Variants in HS3ST5 observed in about 807,000 individuals in gnomAD.
The protein encoded by HS3ST5 is heparan sulfate-glucosamine 3-sulfotransferase 5, also known as heparan sulfate glucosamine 3-O-sulfotransferase 5.
In HS3ST5, 10 loss-of-function variants were observed where a neutral mutation model predicts 25.4. That is an observed-to-expected ratio of 0.39 (90% CI 0.24 to 0.67). The LOEUF is 0.67. Among genes scored for constraint, HS3ST5 ranks in the 30% least tolerant of loss-of-function variants. HS3ST5 has a pLI of 0.44. For synonymous variants in HS3ST5, 170 were observed against 162.4 expected (o/e 1.05, Z -0.36); for missense variants, 324 against 420.7 (o/e 0.77, Z 2.01).
At chr6:114,058,791 T>C (rs559523171) in intron 4 of HS3ST5, 3 of 152,624 alleles carry the variant, frequency 2.0e-5, no homozygotes, top group African/African-American at 4.8e-5. Flanking sequence ...GCCTTGAGGA[T>C]AGCCAGAAGA....
At chr6:114,313,900 C>A (rs1015772872) in intron 1 of HS3ST5, among the ~76,000 whole-genome samples, 1 of 149,388 alleles carries the variant, frequency 6.7e-6, no homozygotes, top group African/African-American at 2.5e-5. Context: ...GCTTCTTTAA[C>A]TAGATTGTTG....
intron 3 of HS3ST5, among the ~76,000 whole-genome samples, chr6:114,165,998 C>T (rs1402933056): frequency 6.6e-6 from 1 of 151,982 alleles, no homozygotes; most frequent in East Asian, 1.9e-4. Flanking sequence ...CTGGGTAACA[C>T]AGCAAGACCC....
At chr6:114,139,973 C>A (rs1330806973) in intron 3 of HS3ST5, among the ~76,000 whole-genome samples, 1 of 152,166 alleles carries the variant, frequency 6.6e-6, no homozygotes, top group African/African-American at 2.4e-5. Flanking sequence ...AGTCTTTGTT[C>A]TTTTCAATGA....
chr6:114,194,213 G>T lies in HS3ST5; in HGVS notation c.-144-25751C>A, dbSNP rs527499983. ...ATTGACTAAATCTGGGCATTTGGAT[G>T]CAAGAAAGACCTGAAGAAATTAATT... is the stretch of plus-strand genomic sequence containing the variant. On this transcript the variant is annotated intron_variant, in intron 2 of 4. Transcript: ENST00000312719. Among the ~76,000 whole-genome samples, 5 of 152,298 alleles carry T rather than the reference G, an allele frequency of 3.3e-5. No individual in the cohort carries two copies. The South Asian group carries it at 1.0e-3, about 32-fold the overall frequency.
Position 114,084,042 on chromosome 6 carries a change from G to C in HS3ST5, c.-32-21165C>G, listed in dbSNP as rs996003866. The C allele has an allele frequency of 2.3e-4, 127 of 554,234 alleles. 2 individuals carry two copies. In the East Asian group the frequency reaches 3.7e-3, roughly 16 times the overall value. 34.3% of individuals were successfully genotyped at this position (554,234 alleles called of 1,614,324 possible). A position where few individuals can be genotyped will look rare whatever the true frequency, so the allele number is the denominator to read the frequency against. ...GAATCTTATATTGTACAAACACTTG[G>C]TCTTTTTTTATGGTCTCAGGTTCCC... On this transcript the variant is annotated intron_variant, in intron 3 of 4. Transcript: ENST00000312719.
chr6:114,193,569 G>A (rs948913560), intron 2 of HS3ST5, among the ~76,000 whole-genome samples: 12 of 152,216 alleles, frequency 7.9e-5, no homozygotes, highest in African/African-American at 2.2e-4. Context: ...GAACAAATTC[G>A]TTATTAATTT....
chr6:114,078,040 G>C (rs942037289), intron 3 of HS3ST5, among the ~76,000 whole-genome samples: 2 of 152,080 alleles, frequency 1.3e-5, no homozygotes, highest in Non-Finnish European at 2.9e-5. Context: ...TTAGCAGACT[G>C]TGCAGAAATA....
intron 1 of HS3ST5, among the ~76,000 whole-genome samples, chr6:114,240,137 T>G (rs1368275372): frequency 6.6e-6 from 1 of 152,162 alleles, no homozygotes; most frequent in East Asian, 1.9e-4. Flanking sequence ...ATTCTCTGTC[T>G]CTGAGTTAAT....
At chr6:114,196,075 A>C (rs9488341) in intron 2 of HS3ST5, among the ~76,000 whole-genome samples, 111 of 152,296 alleles carry the variant, frequency 7.3e-4, no homozygotes, top group African/African-American at 2.6e-3. Flanking sequence ...CTGTAAAAAC[A>C]GCAACCCTCT....
intron 3 of HS3ST5, among the ~76,000 whole-genome samples, chr6:114,161,566 T>C (rs1176302433): frequency 1.0e-5 from 1 of 97,094 alleles, no homozygotes; most frequent in Non-Finnish European, 2.1e-5. Context: ...TATATATATA[T>C]ATATATATAA....
chr6:114,126,460 A>AT (rs749618883), intron 3 of HS3ST5, among the ~76,000 whole-genome samples: 7 of 152,206 alleles, frequency 4.6e-5, no homozygotes, highest in Non-Finnish European at 1.0e-4. Context: ...CAGATTTGAG[A>AT]TTAAGAAACA....
At chr6:114,232,648 T>C (rs572147233) in intron 1 of HS3ST5, among the ~76,000 whole-genome samples, 4 of 152,362 alleles carry the variant, frequency 2.6e-5, no homozygotes, top group African/African-American at 9.6e-5. Flanking sequence ...CAGTCATCAG[T>C]TGAATGAGCC....
intron 2 of HS3ST5, among the ~76,000 whole-genome samples, chr6:114,217,997 T>C (rs1351283644): frequency 6.6e-6 from 1 of 152,136 alleles, no homozygotes; most frequent in Non-Finnish European, 1.5e-5. Flanking sequence ...ATTTCTTCTT[T>C]TCTTTTCTTC....
In HS3ST5 at chr6:114,057,551, T is replaced by C. The variant is rs1179638139; in HGVS notation, c.747A>G (p.Gln249=). ...GGCGATCTCCATCGACGACATGAAA[T>C]TGCTCAATTGGAAAGTATTTCAACC... ...ERWLKYFPIE[Q]FHVVDGDRLI... is the part of the protein sequence containing the mutation. Residue 249 remains glutamine (Q), a synonymous_variant, in exon 5 of 5, where the codon CAA becomes CAG. Transcript: ENST00000312719. The C allele has an allele frequency of 6.2e-7, 1 of 1,614,058 alleles. No homozygotes were observed. Among genetic ancestry groups the C allele is most frequent in the African/African-American group, 1.3e-5 (1 of 74,894 alleles).
At chr6:114,313,593 G>A (rs1775626576) in intron 1 of HS3ST5, among the ~76,000 whole-genome samples, 1 of 152,174 alleles carries the variant, frequency 6.6e-6, no homozygotes, top group African/African-American at 2.4e-5. Flanking sequence ...TGACGTTCTA[G>A]AACAGGCAAC....
intron 3 of HS3ST5, among the ~76,000 whole-genome samples, chr6:114,137,595 A>C (rs1777691354): frequency 6.6e-6 from 1 of 152,212 alleles, no homozygotes; most frequent in South Asian, 2.1e-4. Flanking sequence ...AAAGTTGTCA[A>C]GTTGTGTCTC....
Position 114,167,409 on chromosome 6 carries a change from T to G in HS3ST5, c.-33+942A>C, listed in dbSNP as rs925527873. 3.3e-5 allele frequency: 5 copies of G among 152,138 alleles called. No individual in the cohort carries two copies. The South Asian group carries it at 1.0e-3, about 32-fold the overall frequency. The allele number at this position is 152,138 out of a possible 1,614,324, so 9.4% of individuals were successfully genotyped here. On this transcript the variant is annotated intron_variant, in intron 3 of 4. Coordinates refer to ENST00000312719, the MANE Select transcript of HS3ST5 (RefSeq NM_153612.4). ...GTAGTAAGTAGGCAATAATTTTGAG[T>G]GTTTAATGTGTGTCAGATACTGTTC...
chr6:114,213,960 T>A (rs1781635017), intron 2 of HS3ST5, among the ~76,000 whole-genome samples: 2 of 152,228 alleles, frequency 1.3e-5, no homozygotes, highest in African/African-American at 4.8e-5. Context: ...TTCATTTTAC[T>A]TATTCTGTTT....
rs370809573 is a variant in HS3ST5, at chr6:114,104,094, TA to T, written c.-32-41218del. ...CCAGGGAGGGGGAGTGCTAGACTTT[TA>T]AAAAAAATGTTTAAACTGTAGAGAT... On this transcript the variant is annotated intron_variant, in intron 3 of 4. Transcript: ENST00000312719. Among the ~76,000 whole-genome samples the T allele has an allele frequency of 3.6e-4, 54 of 151,812 alleles. 1 individual carries two copies. The East Asian group carries it at 7.9e-3, about 22-fold the overall frequency.
Sources: gnomAD v4.1 joint callset for allele counts (sites outside exome capture counted in the v4.1 genomes callset) on GRCh38, gnomAD v4.1.1 for gene constraint, MANE v1.5 for transcripts, NCBI Gene and HGNC (gene_info 2026-07-23, HGNC 2026-07-21) for gene names.